The following GHR variants were observed in gnomAD, a reference collection of about 807,000 sequenced individuals.
The protein encoded by GHR is GH receptor.
GHR carries 35 observed loss-of-function variants against 67.1 expected under a neutral mutation model. The observed-to-expected ratio is 0.52, with a 90% confidence interval of 0.40 to 0.69. GHR has a LOEUF of 0.69. Among genes scored for constraint, GHR ranks in the 30% least tolerant of loss-of-function variants. The pLI is 0.00. For synonymous variants in GHR, 272 were observed against 269.1 expected (o/e 1.01, Z -0.10); for missense variants, 792 against 764.6 (o/e 1.04, Z -0.42).
intron 1 of GHR, among the ~76,000 whole-genome samples, chr5:42,551,280 G>A (rs34466913): frequency 0.35 from 53,166 of 151,934 alleles, 10,808 homozygotes; most frequent in African/African-American, 0.56. Context: ...ATTGTGGAAT[G>A]TTTTATAGTA....
intron 6 of GHR, among the ~76,000 whole-genome samples, chr5:42,705,029 C>T (rs1758110159): frequency 1.3e-5 from 2 of 152,014 alleles, no homozygotes; most frequent in South Asian, 4.2e-4. Context: ...GGATCATTCT[C>T]CATGATCAAG....
At chr5:42,584,465 C>G (rs1225206903) in intron 2 of GHR, among the ~76,000 whole-genome samples, 2 of 152,140 alleles carry the variant, frequency 1.3e-5, no homozygotes, top group Non-Finnish European at 2.9e-5. Context: ...TTTGAAGAAA[C>G]TAAATAGTTA....
chr5:42,699,928 G>T lies in GHR; in HGVS notation c.544G>T (p.Asp182Tyr). Residue 182 changes from aspartate to tyrosine, a missense_variant, in exon 6 of 10, where the codon GAT becomes TAT. Transcript: ENST00000230882. ...QVRWEAPRNA[D>Y]IQKGWMVLEY... ...GAGATGGGAAGCACCACGCAATGCA[G>T]ATATTCAGAAAGGATGGATGGTTCT... 1 of 1,598,044 alleles carries T rather than the reference G, an allele frequency of 6.3e-7. No homozygotes were observed.
chr5:42,567,172 G>A (rs1344022310), intron 2 of GHR, among the ~76,000 whole-genome samples: 1 of 152,112 alleles, frequency 6.6e-6, no homozygotes, highest in Middle Eastern at 3.2e-3. Flanking sequence ...CCAAAGTCAT[G>A]GTGGCTTAAT....
chr5:42,544,101 T>C (rs893974674), intron 1 of GHR, among the ~76,000 whole-genome samples: 2 of 152,124 alleles, frequency 1.3e-5, no homozygotes, highest in Admixed American at 6.6e-5. Context: ...AAAGGCAGCC[T>C]GGCAAAAATC....
intron 3 of GHR, chr5:42,647,593 CA>C: frequency 2.7e-6 from 1 of 376,960 alleles, no homozygotes; most frequent in Non-Finnish European, 5.1e-6. Flanking sequence ...AAAAAAAAGT[CA>C]AGGGCCAAAG....
intron 3 of GHR, among the ~76,000 whole-genome samples, chr5:42,640,698 A>T (rs981778575): frequency 2.0e-5 from 3 of 151,434 alleles, no homozygotes; most frequent in African/African-American, 7.3e-5. Flanking sequence ...GAAAAAAAAT[A>T]AATTTAAAAA....
At chr5:42,462,712 G>GTA (rs1191433151) in intron 1 of GHR, among the ~76,000 whole-genome samples, 2 of 152,012 alleles carry the variant, frequency 1.3e-5, no homozygotes, top group Admixed American at 1.3e-4. Flanking sequence ...GCTTTTGTGT[G>GTA]TGTGTGTGGA....
chr5:42,616,484 GT>G (rs968166349), intron 2 of GHR, among the ~76,000 whole-genome samples: 2 of 151,984 alleles, frequency 1.3e-5, no homozygotes, highest in Non-Finnish European at 2.9e-5. Flanking sequence ...AGGAAGAACA[GT>G]TTTTTTCAGA....
chr5:42,625,290 G>A (rs1049495367), intron 2 of GHR, among the ~76,000 whole-genome samples: 1 of 151,930 alleles, frequency 6.6e-6, no homozygotes, highest in African/African-American at 2.4e-5. Context: ...CATTGTTACT[G>A]TGGGTTTCTA....
chr5:42,534,572 G>A (rs1190641171), intron 1 of GHR, among the ~76,000 whole-genome samples: 1 of 151,674 alleles, frequency 6.6e-6, no homozygotes, highest in South Asian at 2.1e-4. Context: ...TGATTGATGA[G>A]CATTTGGGTT....
At chr5:42,717,344 C>G (rs1333145302) in intron 8 of GHR, among the ~76,000 whole-genome samples, 1 of 152,066 alleles carries the variant, frequency 6.6e-6, no homozygotes, top group Non-Finnish European at 1.5e-5. Flanking sequence ...TCCAATTACA[C>G]TATTAATTGT....
intron 1 of GHR, among the ~76,000 whole-genome samples, chr5:42,498,775 T>C (rs948655268): frequency 3.3e-5 from 5 of 152,150 alleles, no homozygotes; most frequent in Non-Finnish European, 7.4e-5. Flanking sequence ...ACCTGGAAAA[T>C]ATAGAAATTT....
chr5:42,431,525 C>CT (rs750321488), intron 1 of GHR, among the ~76,000 whole-genome samples: 1 of 152,216 alleles, frequency 6.6e-6, no homozygotes, highest in Non-Finnish European at 1.5e-5. Context: ...TGGCTGCATG[C>CT]TTTTAATCAG....
Position 42,612,100 on chromosome 5 carries a change from A to G in GHR, c.71-16938A>G, listed in dbSNP as rs1422178050. On this transcript the variant is annotated intron_variant, in intron 2 of 9. Coordinates refer to ENST00000230882, the MANE Select transcript of GHR (RefSeq NM_000163.5). Reference sequence around the variant, plus strand: ...TCTGTATCTGCATGATACTTAGGATAATAGTATGTGGCCACATCCAACAAA... The same window carrying G: ...TCTGTATCTGCATGATACTTAGGATGATAGTATGTGGCCACATCCAACAAA... 2.0e-5 allele frequency among the ~76,000 whole-genome samples: 3 copies of G among 152,210 alleles called. No individual in the cohort carries two copies. In the East Asian group the frequency reaches 5.8e-4, roughly 29 times the overall value.
intron 2 of GHR, among the ~76,000 whole-genome samples, chr5:42,580,580 C>T (rs1751111477): frequency 6.6e-6 from 1 of 152,162 alleles, no homozygotes; most frequent in African/African-American, 2.4e-5. Flanking sequence ...TGTGATCTCT[C>T]TGGCTAGAAG....
intron 3 of GHR, among the ~76,000 whole-genome samples, chr5:42,648,598 C>T (rs368327921): frequency 3.3e-5 from 5 of 151,978 alleles, no homozygotes; most frequent in East Asian, 1.9e-4. Context: ...TTTATTATAT[C>T]GGAAATCTGG....
chr5:42,424,742 C>T lies in GHR; in HGVS notation c.-12+787C>T. On this transcript the variant is annotated intron_variant, in intron 1 of 9. Coordinates refer to ENST00000230882, the MANE Select transcript of GHR (RefSeq NM_000163.5). The surrounding 1 kb of genome is among the most constrained non-coding windows in gnomAD (Gnocchi z 4.1). ...CGCGTGTCTAGGGAGAGGGCGCTGG[C>T]GGCGCAGAGGGTGCGGGGCAGGGCA... The T allele has an allele frequency of 3.3e-6, 3 of 915,786 alleles. No individual in the cohort carries two copies. Among genetic ancestry groups the T allele is most frequent in the Non-Finnish European group, 5.2e-6 (3 of 581,072 alleles). 56.7% of individuals were successfully genotyped at this position (915,786 alleles called of 1,614,324 possible).
intron 1 of GHR, among the ~76,000 whole-genome samples, chr5:42,432,432 A>G (rs1052565423): frequency 1.3e-5 from 2 of 152,312 alleles, no homozygotes; most frequent in South Asian, 2.1e-4. Flanking sequence ...TCAGTCAGAC[A>G]TTCAATTTTG....
Sources: allele counts gnomAD v4.1 joint callset (sites outside exome capture counted in the v4.1 genomes callset), GRCh38; gene constraint gnomAD v4.1.1; non-coding constraint Gnocchi (gnomAD v3.1); transcripts MANE v1.5; gene names NCBI Gene and HGNC (gene_info 2026-07-23, HGNC 2026-07-21).